The following TAS2R1 variants were observed in gnomAD, a reference collection of about 807,000 sequenced individuals.
The protein encoded by TAS2R1 is taste receptor type 2 member 1.
For synonymous variants in TAS2R1, 141 were observed against 134.2 expected, an observed-to-expected ratio of 1.05 and a Z score of -0.35; for missense variants, 370 against 353.4, an observed-to-expected ratio of 1.05 and a Z score of -0.38.
At chr5:9,665,919 T>C (rs372121367) in intron 1 of TAS2R1, among the ~76,000 whole-genome samples, 27 of 152,244 alleles carry the variant, frequency 1.8e-4, no homozygotes, top group African/African-American at 6.5e-4. Context: ...TATTTGTAAT[T>C]GTAACATTAC....
intron 1 of TAS2R1, among the ~76,000 whole-genome samples, chr5:9,705,128 AC>A (rs1741576281): frequency 6.6e-6 from 1 of 152,080 alleles, no homozygotes. Context: ...CACTAGAATT[AC>A]CGCAAAAAAA....
chr5:9,774,693 A>G, the TAS2R1 span, among the ~76,000 whole-genome samples: 1 of 152,244 alleles, frequency 6.6e-6, no homozygotes, highest in Non-Finnish European at 1.5e-5. Flanking sequence ...AGACTCATAG[A>G]GGTACTGCCT....
At chr5:9,898,729 A>C in the TAS2R1 span, among the ~76,000 whole-genome samples, 1 of 152,192 alleles carries the variant, frequency 6.6e-6, no homozygotes, top group Non-Finnish European at 1.5e-5. Context: ...AGAGAGCCCT[A>C]GATGAAGGGC....
chr5:9,853,868 G>T, the TAS2R1 span, among the ~76,000 whole-genome samples: 1 of 152,280 alleles, frequency 6.6e-6, no homozygotes, highest in Non-Finnish European at 1.5e-5. Flanking sequence ...ATACTGAGAA[G>T]TGCTGCACTT....
At chr5:9,719,788 G>C in the TAS2R1 span, among the ~76,000 whole-genome samples, 1 of 151,764 alleles carries the variant, frequency 6.6e-6, no homozygotes, top group East Asian at 1.9e-4. Context: ...CGTGGTGGCG[G>C]GCGCCTGTAG....
chr5:9,669,103 G>A (rs1228616705), intron 1 of TAS2R1, among the ~76,000 whole-genome samples: 1 of 152,094 alleles, frequency 6.6e-6, no homozygotes, highest in African/African-American at 2.4e-5. Context: ...AGAAAAAGCA[G>A]GAGTTGCTAT....
intron 1 of TAS2R1, among the ~76,000 whole-genome samples, chr5:9,711,912 C>T (rs10072925): frequency 1.3e-5 from 2 of 151,552 alleles, no homozygotes; most frequent in Non-Finnish European, 2.9e-5. Flanking sequence ...GCGATGCACC[C>T]ACCTCGGCCT....
intron 1 of TAS2R1, among the ~76,000 whole-genome samples, chr5:9,686,988 G>C (rs889011226): frequency 2.0e-5 from 3 of 151,840 alleles, no homozygotes; most frequent in Admixed American, 1.3e-4. Flanking sequence ...TTTTGAGATG[G>C]AGTTTTGCTT....
chr5:9,711,486 G>C (rs1734658990), intron 1 of TAS2R1, among the ~76,000 whole-genome samples: 1 of 152,176 alleles, frequency 6.6e-6, no homozygotes, highest in Non-Finnish European at 1.5e-5. Flanking sequence ...GCACAGAGTA[G>C]AATGGTGGAT....
chr5:9,739,308 T>C, the TAS2R1 span, among the ~76,000 whole-genome samples: 12 of 152,204 alleles, frequency 7.9e-5, no homozygotes, highest in African/African-American at 2.4e-4. Context: ...CTCCGTCACC[T>C]TCCCCACCCC....
At chr5:9,840,876 T>A in the TAS2R1 span, among the ~76,000 whole-genome samples, 28,106 of 72,148 alleles carry the variant, frequency 0.39, 3,498 homozygotes, top group Non-Finnish European at 0.48. Flanking sequence ...TTTTTTTTTT[T>A]TTTTTTTTTT....
chr5:9,669,898 C>T (rs184807428), intron 1 of TAS2R1, among the ~76,000 whole-genome samples: 1 of 151,784 alleles, frequency 6.6e-6, no homozygotes, highest in Admixed American at 6.6e-5. Context: ...TTGAAATAAC[C>T]AAAAGCAAAA....
chr5:9,660,549 T>C (rs541051621), intron 1 of TAS2R1, among the ~76,000 whole-genome samples: 51 of 152,280 alleles, frequency 3.3e-4, no homozygotes, highest in South Asian at 6.2e-4. Context: ...CGCAACGTCC[T>C]TAAAACCCAT....
chr5:9,828,108 GGTCT>G, the TAS2R1 span, among the ~76,000 whole-genome samples: 1 of 151,750 alleles, frequency 6.6e-6, no homozygotes, highest in Non-Finnish European at 1.5e-5. Context: ...TCATTCTTTA[GGTCT>G]TTTTTATTTT....
the TAS2R1 span, among the ~76,000 whole-genome samples, chr5:9,786,313 C>T: frequency 6.6e-6 from 1 of 152,156 alleles, no homozygotes; most frequent in Non-Finnish European, 1.5e-5. Context: ...GAGTATTTGA[C>T]AAAGACCCAT....
chr5:9,694,167 A>C (rs1395925058), intron 1 of TAS2R1, among the ~76,000 whole-genome samples: 1 of 152,212 alleles, frequency 6.6e-6, no homozygotes, highest in African/African-American at 2.4e-5. Flanking sequence ...CAATTACAAA[A>C]TTGACACTTT....
intron 1 of TAS2R1, among the ~76,000 whole-genome samples, chr5:9,693,238 G>A (rs929557116): frequency 6.6e-6 from 1 of 151,712 alleles, no homozygotes; most frequent in East Asian, 1.9e-4. Context: ...GCCAGGCGCG[G>A]TGTCTCATGC....
chr5:9,723,770 G>T, the TAS2R1 span, among the ~76,000 whole-genome samples: 1 of 152,248 alleles, frequency 6.6e-6, no homozygotes, highest in African/African-American at 2.4e-5. Flanking sequence ...CACCTGGCTG[G>T]CATGATGACC....
At chr5:9,703,311 C>T (rs572752679) in intron 1 of TAS2R1, among the ~76,000 whole-genome samples, 5 of 152,242 alleles carry the variant, frequency 3.3e-5, no homozygotes, top group Non-Finnish European at 7.4e-5. Context: ...ACTTGTCAAA[C>T]CAACATCCTC....
Sources: gnomAD v4.1 joint callset for allele counts (sites outside exome capture counted in the v4.1 genomes callset) on GRCh38, gnomAD v4.1.1 for gene constraint, MANE v1.5 for transcripts, NCBI Gene and HGNC (gene_info 2026-07-23, HGNC 2026-07-21) for gene names.